NUDT3: variants seen among roughly 807,000 people sequenced by gnomAD.
NUDT3 encodes the protein diphosphoinositol polyphosphate phosphohydrolase 1.
A neutral mutation model predicts 23.6 loss-of-function variants in NUDT3; 9 were observed. The observed-to-expected ratio is 0.38, with a 90% CI of 0.23 to 0.66. NUDT3 has a LOEUF of 0.66. Among genes scored for constraint, NUDT3 ranks in the 30% least tolerant of loss-of-function variants. The probability of loss-of-function intolerance (pLI) is 0.52; values close to 1 mark genes in which losing one functional copy is unlikely to be tolerated. For synonymous variants in NUDT3, 86 were observed against 82.6 expected (o/e 1.04, Z -0.22); for missense variants, 172 against 218.5 (o/e 0.79, Z 1.34).
chr6:34,384,121 C>T (rs535394412), intron 1 of NUDT3, among the ~76,000 whole-genome samples: 3 of 152,308 alleles, frequency 2.0e-5, no homozygotes, highest in East Asian at 3.9e-4. Context: ...TCTGCAGAGA[C>T]GTCAGTCCAC....
At position 34,288,638 on chromosome 6, in the gene NUDT3, C is replaced by T; in HGVS notation, c.*115G>A. The T allele has an allele frequency of 7.2e-7, 1 of 1,379,388 alleles. No individual in the cohort carries two copies. Among genetic ancestry groups the T allele is most frequent in the African/African-American group, 1.5e-5 (1 of 68,136 alleles). The allele number at this position is 1,379,388 out of a possible 1,614,324, so 85.4% of individuals were successfully genotyped here. On this transcript the variant is annotated 3_prime_UTR_variant, in exon 5 of 5. Coordinates refer to ENST00000607016, the MANE Select transcript of NUDT3 (RefSeq NM_006703.4). ...CAATACACCCTTTCTTTGCTGCCCA[C>T]CATGCCTTATTTGAAAGAGGAGGCC...
At chr6:34,332,128 A>G (rs1764137673) in intron 2 of NUDT3, among the ~76,000 whole-genome samples, 1 of 152,042 alleles carries the variant, frequency 6.6e-6, no homozygotes, top group Non-Finnish European at 1.5e-5. Flanking sequence ...TCTAGCCACC[A>G]TGTCCGGTGG....
At chr6:34,383,443 A>G (rs1191227367) in intron 1 of NUDT3, among the ~76,000 whole-genome samples, 1 of 152,172 alleles carries the variant, frequency 6.6e-6, no homozygotes, top group Non-Finnish European at 1.5e-5. Flanking sequence ...GCTGGAGTGC[A>G]GTGATGCAAA....
In NUDT3 at chr6:34,322,430, T is replaced by C. The variant is rs151163162; in HGVS notation, c.210+19432A>G. ...ATTTTTAGTAGAGACGGGGTTTCAC[T>C]GTGTTAGCCAGGATGGTCTTGATCT... On this transcript the variant is annotated intron_variant, in intron 2 of 4. Transcript: ENST00000607016. Among the ~76,000 whole-genome samples the C allele has an allele frequency of 7.4e-3, 1,118 of 151,582 alleles. 12 individuals are homozygous for C. The highest frequency in any genetic ancestry group is 0.026 in the African/African-American group (1,073 of 41,064).
chr6:34,296,428 G>A (rs1438742330), intron 2 of NUDT3, among the ~76,000 whole-genome samples: 1 of 151,950 alleles, frequency 6.6e-6, no homozygotes. Flanking sequence ...ACAAAAATTA[G>A]TTGGGTGTGA....
At chr6:34,351,468 G>A (rs372319365) in intron 1 of NUDT3, among the ~76,000 whole-genome samples, 22 of 148,358 alleles carry the variant, frequency 1.5e-4, no homozygotes, top group South Asian at 1.5e-3. Flanking sequence ...AGGGCCAGGC[G>A]CGGTGGCTCA....
chr6:34,297,718 TAAAAAAAA>T (rs200099331), intron 2 of NUDT3, among the ~76,000 whole-genome samples: 1 of 78,796 alleles, frequency 1.3e-5, no homozygotes, highest in African/African-American at 4.8e-5. Context: ...CCGGCTAATG[TAAAAAAAA>T]AAAAATATAT....
At chr6:34,348,900 C>T (rs1045989145) in intron 1 of NUDT3, among the ~76,000 whole-genome samples, 6 of 151,570 alleles carry the variant, frequency 4.0e-5, no homozygotes, top group African/African-American at 1.2e-4. Flanking sequence ...CGCTCTTTTG[C>T]CCAGGCTAGA....
rs187852873 is a variant in NUDT3 at position 34,384,321 on chromosome 6, G to C, written c.99+7943C>G. Among the ~76,000 whole-genome samples the C allele has an allele frequency of 8.5e-4, 130 of 152,306 alleles. 2 individuals are homozygous for C. The highest frequency in any genetic ancestry group is 3.2e-3 in the Admixed American group (49 of 15,296). ...TACAACAAACGAACCTAACAACTTAGGAACAGCTTCATCCTTTCTTTATTA... is the reference window on the plus strand; with the variant it reads ...TACAACAAACGAACCTAACAACTTACGAACAGCTTCATCCTTTCTTTATTA... On this transcript the variant is annotated intron_variant, in intron 1 of 4. Transcript: ENST00000607016.
At chr6:34,349,823 G>C (rs1764438953) in intron 1 of NUDT3, among the ~76,000 whole-genome samples, 1 of 150,734 alleles carries the variant, frequency 6.6e-6, no homozygotes, top group African/African-American at 2.5e-5. Flanking sequence ...AGGCACGGTG[G>C]CTCACGCCTG....
chr6:34,383,541 G>A (rs1765057992), intron 1 of NUDT3, among the ~76,000 whole-genome samples: 3 of 152,090 alleles, frequency 2.0e-5, no homozygotes, highest in African/African-American at 7.2e-5. Context: ...ATTTATCCAT[G>A]TATTCCCAAG....
chr6:34,298,647 A>G (rs1763551860), intron 2 of NUDT3, among the ~76,000 whole-genome samples: 1 of 1,366 alleles, frequency 7.3e-4, no homozygotes, highest in Admixed American at 0.015. Flanking sequence ...GATGGTGTCT[A>G]TGTTGCCCAG....
chr6:34,362,976 T>A (rs555453750), intron 1 of NUDT3, among the ~76,000 whole-genome samples: 1 of 152,158 alleles, frequency 6.6e-6, no homozygotes. Context: ...CTAACCCTCA[T>A]GAGAGTCCTG....
At chr6:34,319,058 G>A (rs1351986010) in intron 2 of NUDT3, among the ~76,000 whole-genome samples, 1 of 151,848 alleles carries the variant, frequency 6.6e-6, no homozygotes. Context: ...AAAAGGGCTG[G>A]GATGGTAGAA....
At chr6:34,322,869 T>C (rs1581865219) in intron 2 of NUDT3, among the ~76,000 whole-genome samples, 1 of 152,288 alleles carries the variant, frequency 6.6e-6, no homozygotes, top group East Asian at 1.9e-4. Flanking sequence ...CCATCAATAG[T>C]GGACTGGATA....
intron 1 of NUDT3, among the ~76,000 whole-genome samples, chr6:34,351,316 A>C (rs1764472390): frequency 6.8e-6 from 1 of 147,894 alleles, no homozygotes; most frequent in African/African-American, 2.6e-5. Context: ...TCTACAAAAA[A>C]AATTAGCCAG....
In NUDT3 at chr6:34,287,662, C is replaced by T. The variant is rs902765906; in HGVS notation, c.*1091G>A. On this transcript the variant is annotated 3_prime_UTR_variant, in exon 5 of 5. Transcript: ENST00000607016. ...TCAGGGACAGGACTACATTGATGCA[C>T]CTGCAAAGTAAAGTTGGATGCTTCA... is the stretch of plus-strand genomic sequence containing the variant. 5.9e-5 allele frequency: 9 copies of T among 152,192 alleles called. No homozygotes were observed. The highest frequency in any genetic ancestry group is 1.9e-4 in the African/African-American group (8 of 41,424). The allele number at this position is 152,192 out of a possible 1,614,324, so 9.4% of individuals were successfully genotyped here.
intron 1 of NUDT3, among the ~76,000 whole-genome samples, chr6:34,348,189 G>A (rs1764409072): frequency 6.6e-6 from 1 of 151,732 alleles, no homozygotes; most frequent in South Asian, 2.1e-4. Context: ...AGGAGGGTGA[G>A]GCAGGAGAAT....
chr6:34,373,160 T>A (rs1401142889), intron 1 of NUDT3, among the ~76,000 whole-genome samples: 1 of 150,986 alleles, frequency 6.6e-6, no homozygotes, highest in African/African-American at 2.4e-5. Flanking sequence ...GCGCCTGTAG[T>A]CCCAGCTTCT....
Sources: gnomAD v4.1 joint callset for allele counts (sites outside exome capture counted in the v4.1 genomes callset) on GRCh38, gnomAD v4.1.1 for gene constraint, MANE v1.5 for transcripts, NCBI Gene and HGNC (gene_info 2026-07-23, HGNC 2026-07-21) for gene names.